The following ITGB1 variants were observed in gnomAD, a reference collection of about 807,000 sequenced individuals.
ITGB1 encodes integrin subunit beta 1.
In ITGB1, 24 loss-of-function variants were observed where a neutral mutation model predicts 86.5. That is an observed-to-expected ratio of 0.28 (90% CI 0.20 to 0.39). The LOEUF (loss-of-function observed/expected upper bound fraction) is 0.39, where lower values mean the gene tolerates loss of function less well. Among genes scored for constraint, ITGB1 ranks in the 10% least tolerant of loss-of-function variants. The pLI is 1.00. For synonymous variants in ITGB1, 323 were observed against 316.8 expected (o/e 1.02, Z -0.21); for missense variants, 556 against 946.9 (o/e 0.59, Z 5.42).
rs1565823380 is a variant in ITGB1 at position 32,920,160 on chromosome 10, CTTATT to C, written c.1269+80_1270-77del. 3.2e-6 allele frequency: 5 copies of C among 1,567,108 alleles called. No homozygotes were observed. In the African/African-American group the frequency reaches 6.8e-5, roughly 21 times the overall value. On this transcript the variant is annotated intron_variant, in intron 10 of 15. Coordinates refer to ENST00000302278, the MANE Select transcript of ITGB1 (RefSeq NM_002211.4). ...AAAAAATATTTCAAAAAGTTGCTCA[CTTATT>C]TTAATGTTTCTCAAACTATAAACTA...
At chr10:32,908,259 A>G (rs1593853008) in intron 15 of ITGB1, 109 bp downstream of exon 15, 2 of 1,084,404 alleles carry the variant, frequency 1.8e-6, no homozygotes, top group East Asian at 4.7e-5. Flanking sequence ...GGGGGAATAA[A>G]ATACTTAGAA....
chr10:32,913,490 G>C (rs2094920643), intron 11 of ITGB1, among the ~76,000 whole-genome samples: 1 of 152,186 alleles, frequency 6.6e-6, no homozygotes. Flanking sequence ...TGATGGAGCG[G>C]AAAACCATGG....
At chr10:32,913,538 C>T (rs796770923) in intron 11 of ITGB1, among the ~76,000 whole-genome samples, 5 of 152,158 alleles carry the variant, frequency 3.3e-5, no homozygotes, top group African/African-American at 1.2e-4. Context: ...GCTTCAGTAG[C>T]CGATTCGATC....
chr10:32,904,308 C>T (rs1418900856), intron 15 of ITGB1, among the ~76,000 whole-genome samples: 1 of 152,082 alleles, frequency 6.6e-6, no homozygotes, highest in African/African-American at 2.4e-5. Context: ...AGCAAGAGAA[C>T]AGGGTTATAT....
At chr10:32,910,479 G>A in intron 13 of ITGB1, 24 bp from the exon 14 acceptor site, 1 of 1,434,868 alleles carries the variant, frequency 7.0e-7, no homozygotes. Context: ...CACAAATTAT[G>A]ATATTTACAT....
At chr10:32,923,542 T>TC (rs1196653355) in intron 7 of ITGB1, 43 bp downstream of exon 7, 1 of 1,536,842 alleles carries the variant, frequency 6.5e-7, no homozygotes, top group Non-Finnish European at 8.9e-7. Context: ...AACATTAAAA[T>TC]CCAACATAAA....
chr10:32,942,464 A>G (rs1354230564), intron 1 of ITGB1, among the ~76,000 whole-genome samples: 3 of 152,196 alleles, frequency 2.0e-5, no homozygotes, highest in Non-Finnish European at 4.4e-5. Context: ...CTATTTGTTA[A>G]CATGTCTTCC....
chr10:32,916,901 A>G (rs895386843), intron 11 of ITGB1, among the ~76,000 whole-genome samples: 4 of 152,226 alleles, frequency 2.6e-5, no homozygotes, highest in African/African-American at 9.6e-5. Flanking sequence ...CTAAGCCAAA[A>G]GAACAAAGCT....
Position 32,912,046 on chromosome 10 carries a change from G to A in ITGB1, c.1548C>T (p.Cys516=). ...AGATTTCTGAACTGTTTTCTTTCCT[G>A]CAGTAAGCATCCATGTCTTCACTGT... The part of the protein sequence containing the change: ...EVNSEDMDAY[C]RKENSSEICS... Residue 516 remains cysteine, a synonymous_variant, in exon 12 of 16, where the codon TGC becomes TGT. Coordinates refer to ENST00000302278, the MANE Select transcript of ITGB1 (RefSeq NM_002211.4). 6.2e-7 allele frequency: 1 copy of A among 1,614,192 alleles called. No individual in the cohort carries two copies. Among genetic ancestry groups the A allele is most frequent in the Non-Finnish European group, 8.5e-7 (1 of 1,180,042 alleles).
chr10:32,931,943 GTGAA>G (rs2094984754), intron 3 of ITGB1, among the ~76,000 whole-genome samples: 1 of 152,038 alleles, frequency 6.6e-6, no homozygotes, highest in Non-Finnish European at 1.5e-5. Context: ...GATGACAAAA[GTGAA>G]TAAAATCCAA....
At position 32,911,617 on chromosome 10, in the gene ITGB1, T is replaced by C; in HGVS notation, c.1762A>G (p.Ser588Gly). 1 of 1,614,170 alleles carries C rather than the reference T, an allele frequency of 6.2e-7. No homozygotes were observed. Among genetic ancestry groups the C allele is most frequent in the Non-Finnish European group, 8.5e-7 (1 of 1,180,024 alleles). Reference sequence around the variant, plus strand: ...GTATCCAAAGAACAGTCACATGCACTGCCAGTGTAGTTGGGGTTGCACTCA... The same window carrying C: ...GTATCCAAAGAACAGTCACATGCACCGCCAGTGTAGTTGGGGTTGCACTCA... The part of the protein sequence containing the change: ...VCECNPNYTG[S>G]ACDCSLDTST... Residue 588 changes from serine (S) to glycine (G), a missense_variant, in exon 13 of 16, where the codon AGT becomes GGT. Physicochemically the swap from Ser to Gly is moderately conservative, Grantham distance 56. Coordinates refer to ENST00000302278, the MANE Select transcript of ITGB1 (RefSeq NM_002211.4).
At chr10:32,917,279 T>C (rs1366514380) in intron 11 of ITGB1, among the ~76,000 whole-genome samples, 1 of 152,184 alleles carries the variant, frequency 6.6e-6, no homozygotes, top group Admixed American at 6.5e-5. Flanking sequence ...GACATAGGCA[T>C]AGGCAAGGAC....
At chr10:32,922,482 C>T in intron 8 of ITGB1, 136 bp from the exon 9 acceptor site, 1 of 771,204 alleles carries the variant, frequency 1.3e-6, no homozygotes, top group East Asian at 2.7e-5. Flanking sequence ...AACCTAGAAA[C>T]CAGTTTTATA....
At chr10:32,914,291 C>T (rs1251430013) in intron 11 of ITGB1, among the ~76,000 whole-genome samples, 1 of 152,188 alleles carries the variant, frequency 6.6e-6, no homozygotes, top group African/African-American at 2.4e-5. Flanking sequence ...ATCATAATGA[C>T]AGGATCAAAT....
intron 1 of ITGB1, among the ~76,000 whole-genome samples, chr10:32,937,481 G>A (rs1165209104): frequency 2.7e-5 from 4 of 150,774 alleles, no homozygotes; most frequent in South Asian, 2.1e-4. Context: ...GCTTGAACCC[G>A]GGAGGCGGAG....
chr10:32,951,786 GTTTTGGT>G (rs1388289950), intron 1 of ITGB1: 1 of 152,184 alleles, frequency 6.6e-6, no homozygotes, highest in African/African-American at 2.4e-5. Flanking sequence ...GTTGGGAACG[GTTTTGGT>G]TGAGAAAGTT....
At chr10:32,909,453 G>T (rs2094906575) in intron 14 of ITGB1, among the ~76,000 whole-genome samples, 1 of 152,034 alleles carries the variant, frequency 6.6e-6, no homozygotes, top group African/African-American at 2.4e-5. Context: ...CAATGTAAAA[G>T]CAAGAGCCAC....
At chr10:32,902,831 G>T (rs1433563375) in intron 15 of ITGB1, among the ~76,000 whole-genome samples, 2 of 152,146 alleles carry the variant, frequency 1.3e-5, no homozygotes, top group East Asian at 3.9e-4. Flanking sequence ...TTTGGTGGGT[G>T]AGAGACATGA....
intron 3 of ITGB1, among the ~76,000 whole-genome samples, chr10:32,931,152 C>T (rs577371000): frequency 4.4e-4 from 67 of 152,132 alleles, no homozygotes; most frequent in Admixed American, 4.0e-3. Context: ...TCAGATAATT[C>T]AAAGCTGCAC....
Sources: gnomAD v4.1 joint callset for allele counts (sites outside exome capture counted in the v4.1 genomes callset) on GRCh38, gnomAD v4.1.1 for gene constraint, MANE v1.5 for transcripts, NCBI Gene and HGNC (gene_info 2026-07-23, HGNC 2026-07-21) for gene names.